ATP6V1E2: variants seen among roughly 807,000 people sequenced by gnomAD.
ATP6V1E2 encodes the protein V-type proton ATPase subunit E 2.
For missense variants in ATP6V1E2, 308 were observed against 273.3 expected (o/e 1.13, Z -0.90); for synonymous variants, 121 against 104.2 (o/e 1.16, Z -0.98).
chr2:46,524,466 T>A (rs913679175), intron 4 of ATP6V1E2, among the ~76,000 whole-genome samples: 1 of 152,188 alleles, frequency 6.6e-6, no homozygotes, highest in Non-Finnish European at 1.5e-5. Flanking sequence ...TTTATCCAAA[T>A]AGACAAAAAT....
At chr2:46,540,891 C>T (rs889755180) in intron 2 of ATP6V1E2, among the ~76,000 whole-genome samples, 3 of 152,152 alleles carry the variant, frequency 2.0e-5, no homozygotes, top group Admixed American at 1.3e-4. Flanking sequence ...CATGATTCAT[C>T]GGACATCAGT....
rs35889031 is a variant in ATP6V1E2, at chr2:46,529,774, GATAATA to G, written c.-102+6033_-102+6038del. On this transcript the variant is annotated intron_variant, in intron 4 of 4. Transcript: ENST00000522587. ...TGTCTTTAATGATGATGATGATGAT[GATAATA>G]ATAATAATAACAATTTATTGAACCC... is the stretch of plus-strand genomic sequence containing the variant. Among the ~76,000 whole-genome samples the G allele has an allele frequency of 3.2e-3, 489 of 150,842 alleles. 3 individuals carry two copies. The highest frequency in any genetic ancestry group is 0.011 in the African/African-American group (456 of 41,120).
At chr2:46,522,722 G>C (rs1014538813) in intron 4 of ATP6V1E2, among the ~76,000 whole-genome samples, 1 of 152,152 alleles carries the variant, frequency 6.6e-6, no homozygotes, top group South Asian at 2.1e-4. Flanking sequence ...TGTCTTTATA[G>C]TAGAATGATT....
rs376140616 is a variant in ATP6V1E2, at chr2:46,514,993, G to GA, written c.-101-2182dup. ...AGTAAGATGATATATTCAAAGGGCT[G>GA]AAAAAAAAACCCTGCTAATCAAGAA... On this transcript the variant is annotated intron_variant, in intron 4 of 4. Coordinates refer to ENST00000522587, the MANE Select transcript of ATP6V1E2 (RefSeq NM_001318063.2). Among the ~76,000 whole-genome samples the GA allele has an allele frequency of 5.8e-3, 868 of 149,742 alleles. 13 individuals are homozygous for GA. The highest frequency in any genetic ancestry group is 0.019 in the African/African-American group (792 of 40,878).
chr2:46,517,580 A>G (rs1470645567), intron 4 of ATP6V1E2, among the ~76,000 whole-genome samples: 4 of 152,246 alleles, frequency 2.6e-5, no homozygotes, highest in Admixed American at 6.5e-5. Flanking sequence ...TGCAAACCGT[A>G]TATCTCATAA....
chr2:46,513,474 C>T (rs912401369), intron 4 of ATP6V1E2, among the ~76,000 whole-genome samples: 18 of 152,182 alleles, frequency 1.2e-4, no homozygotes, highest in African/African-American at 4.1e-4. Context: ...TGTTTCTTTA[C>T]TGATTTTCTG....
Position 46,512,645 on chromosome 2 carries a change from C to T in ATP6V1E2, c.67G>A (p.Ala23Thr). The T allele has an allele frequency of 6.2e-7, 1 of 1,614,208 alleles. No individual in the cohort carries two copies. Residue 23 changes from alanine (A) to threonine (T), a missense_variant, in exon 5 of 5, where the codon GCC (alanine) becomes ACC (threonine). Physicochemically the swap from Ala to Thr is moderately conservative, Grantham distance 58 (BLOSUM62 0). Coordinates refer to ENST00000522587, the MANE Select transcript of ATP6V1E2 (RefSeq NM_001318063.2). The stretch of plus-strand genomic sequence containing the variant: ...TCGATTTCCTCTGCTTTCTCATTGG[C>T]TTCCTGCTCAATGAAAGCCATCATG... The part of the protein sequence containing the change: ...KHMMAFIEQE[A>T]NEKAEEIDAK...
At chr2:46,518,335 T>C (rs1230464518) in intron 4 of ATP6V1E2, among the ~76,000 whole-genome samples, 1 of 151,992 alleles carries the variant, frequency 6.6e-6, no homozygotes, top group Non-Finnish European at 1.5e-5. Flanking sequence ...AATGACACTT[T>C]CCAGGGGTGG....
Position 46,530,340 on chromosome 2 carries a change from A to G in ATP6V1E2, c.-102+5473T>C, listed in dbSNP as rs571540719. ...GGTGGGTGGGGTGGTCATGCCCCCA[A>G]TTCTGCCACTATCTCAGGGTAGGTC... is the stretch of plus-strand genomic sequence containing the variant. On this transcript the variant is annotated intron_variant, in intron 4 of 4. Coordinates refer to ENST00000522587, the MANE Select transcript of ATP6V1E2 (RefSeq NM_001318063.2). The surrounding 1 kb of genome is among the most constrained non-coding windows in gnomAD (Gnocchi z 5.2). Among the ~76,000 whole-genome samples, 23 of 152,220 alleles carry G rather than the reference A, an allele frequency of 1.5e-4. No individual in the cohort carries two copies. Among genetic ancestry groups the G allele is most frequent in the Admixed American group, 1.2e-3 (19 of 15,296 alleles).
At chr2:46,528,960 T>TA (rs1268202496) in intron 4 of ATP6V1E2, among the ~76,000 whole-genome samples, 2 of 152,162 alleles carry the variant, frequency 1.3e-5, no homozygotes, top group Admixed American at 1.3e-4. Flanking sequence ...CCTAGAACCA[T>TA]ACTCCTAGAG....
In ATP6V1E2 at chr2:46,512,150, G is replaced by A. The variant is rs1055742612; in HGVS notation, c.562C>T (p.Gln188Ter). 5.0e-6 allele frequency: 8 copies of A among 1,614,032 alleles called. No homozygotes were observed. The highest frequency in any genetic ancestry group is 6.8e-6 in the Non-Finnish European group (8 of 1,180,034). The change falls in exon 5 of 5, where the codon CAG becomes TAG. Residue 188 changes from glutamine to a stop codon, truncating the protein, a stop_gained. Transcript: ENST00000522587. LOFTEE classifies it high-confidence loss of function. Reference protein sequence around the residue: ...AGGVEVYSGNQRIKVSNTLES... With the variant: ...AGGVEVYSGN Reference sequence around the variant, plus strand: ...AAGGTATTTGAAACCTTTATTCTCTGATTGCCACTGTAGACCTCCACACCT... The same window carrying A: ...AAGGTATTTGAAACCTTTATTCTCTAATTGCCACTGTAGACCTCCACACCT...
In ATP6V1E2 at chr2:46,512,000, T is replaced by A. The variant is rs1253263675; in HGVS notation, c.*31A>T. ...AAAAACTTAAACTTTTATGGTTTAG[T>A]GGTTCAACACTAGCTTCACTTCCCA... On this transcript the variant is annotated 3_prime_UTR_variant, in exon 5 of 5. Transcript: ENST00000522587. The A allele has an allele frequency of 6.5e-7, 1 of 1,526,856 alleles. No individual in the cohort carries two copies. The highest frequency in any genetic ancestry group is 8.8e-7 in the Non-Finnish European group (1 of 1,140,134). The allele number at this position is 1,526,856 out of a possible 1,614,324, so 94.6% of individuals were successfully genotyped here. A position where few individuals can be genotyped will look rare whatever the true frequency, so the allele number is the denominator to read the frequency against.
chr2:46,528,197 C>A (rs1443566935), intron 4 of ATP6V1E2: 1 of 152,180 alleles, frequency 6.6e-6, no homozygotes, highest in Non-Finnish European at 1.5e-5. Flanking sequence ...GTATGTATTC[C>A]AGTTTACAAT....
intron 4 of ATP6V1E2, among the ~76,000 whole-genome samples, chr2:46,521,221 T>A (rs1036711144): frequency 6.6e-6 from 1 of 152,148 alleles, no homozygotes; most frequent in Admixed American, 6.5e-5. Context: ...CTGGGAAGGA[T>A]CTTTAGAGGA....
rs778090705 is a variant in ATP6V1E2, at chr2:46,530,933, G to A, written c.-102+4880C>T. 6.6e-6 allele frequency among the ~76,000 whole-genome samples: 1 copy of A among 152,210 alleles called. No individual in the cohort carries two copies. Among genetic ancestry groups the A allele is most frequent in the Non-Finnish European group, 1.5e-5 (1 of 68,042 alleles). ...TCCCACCGGGCCCCTCCCGTGGCACGTGGGAATTATGGGAGCTACAATTCA... is the reference window on the plus strand; with the variant it reads ...TCCCACCGGGCCCCTCCCGTGGCACATGGGAATTATGGGAGCTACAATTCA... On this transcript the variant is annotated intron_variant, in intron 4 of 4. Coordinates refer to ENST00000522587, the MANE Select transcript of ATP6V1E2 (RefSeq NM_001318063.2). The surrounding 1 kb of genome is among the most constrained non-coding windows in gnomAD (Gnocchi z 5.2).
At position 46,512,155 on chromosome 2, in the gene ATP6V1E2, C is replaced by A. The variant is rs555104894; in HGVS notation, c.557G>T (p.Gly186Val). The A allele has an allele frequency of 2.7e-5, 43 of 1,614,206 alleles. No individual in the cohort carries two copies. In the South Asian group the frequency reaches 4.6e-4, roughly 17 times the overall value. Residue 186 changes from glycine (G) to valine (V), a missense_variant, in exon 5 of 5, where the codon GGC (glycine) becomes GTC (valine). Gly to Val is a moderately radical substitution (Grantham distance 109). Transcript: ENST00000522587. ...ATTTGAAACCTTTATTCTCTGATTG[C>A]CACTGTAGACCTCCACACCTCCAGC... ...NAAGGVEVYS[G>V]NQRIKVSNTL...
At chr2:46,526,749 G>A (rs1359748662) in intron 4 of ATP6V1E2, among the ~76,000 whole-genome samples, 1 of 152,170 alleles carries the variant, frequency 6.6e-6, no homozygotes, top group African/African-American at 2.4e-5. Flanking sequence ...TTCATTGTGT[G>A]TATATACCAT....
At position 46,512,236 on chromosome 2, in the gene ATP6V1E2, G is replaced by A; in HGVS notation, c.476C>T (p.Ser159Phe). The change falls in exon 5 of 5, where the codon TCC (serine) becomes TTC (phenylalanine). Residue 159 changes from serine to phenylalanine, a missense_variant. Physicochemically the swap from Ser to Phe is radical, Grantham distance 155. Coordinates refer to ENST00000522587, the MANE Select transcript of ATP6V1E2 (RefSeq NM_001318063.2). Reference sequence around the variant, plus strand: ...AATCTGGACCTCCACATGTTTCTGGGAAATTGTCATGTACTCGGGGATGGC... The same window carrying A: ...AATCTGGACCTCCACATGTTTCTGGAAAATTGTCATGTACTCGGGGATGGC... ...QKAIPEYMTI[S>F]QKHVEVQIDK... The A allele has an allele frequency of 6.2e-7, 1 of 1,613,954 alleles. No homozygotes were observed. Among genetic ancestry groups the A allele is most frequent in the Non-Finnish European group, 8.5e-7 (1 of 1,179,988 alleles).
rs768393807 is a variant in ATP6V1E2, at chr2:46,512,460, C to G, written c.252G>C (p.Leu84=). The change falls in exon 5 of 5, where the codon CTG becomes CTC. Residue 84 remains leucine (L), a synonymous_variant. Coordinates refer to ENST00000522587, the MANE Select transcript of ATP6V1E2 (RefSeq NM_001318063.2). The stretch of plus-strand genomic sequence containing the variant: ...CTGAGATGAGGTCATTTCGGGCTCT[C>G]AGGACTTTCAGCCTCGCCTGATTCC... ...TMRNQARLKV[L]RARNDLISDL... The G allele has an allele frequency of 3.0e-5, 49 of 1,614,082 alleles. No individual in the cohort carries two copies. The highest frequency in any genetic ancestry group is 3.6e-5 in the Non-Finnish European group (42 of 1,180,052).
Sources: gnomAD v4.1 joint callset for allele counts (sites outside exome capture counted in the v4.1 genomes callset) on GRCh38, gnomAD v4.1.1 for gene constraint, Gnocchi (gnomAD v3.1) non-coding constraint, MANE v1.5 for transcripts, NCBI Gene and HGNC (gene_info 2026-07-23, HGNC 2026-07-21) for gene names.